Variants in EXOC4 observed in about 807,000 individuals in gnomAD.
EXOC4 encodes exocyst complex component 4.
In EXOC4, 71 loss-of-function variants were observed where a neutral mutation model predicts 107.2. That is an observed-to-expected ratio of 0.66 (90% confidence interval 0.55 to 0.81). The LOEUF is 0.81. EXOC4 is among the 30% of genes least tolerant of loss of function. The probability of loss-of-function intolerance (pLI) is 0.00; values close to 1 mark genes in which losing one functional copy is unlikely to be tolerated. For synonymous variants in EXOC4, 456 were observed against 441.2 expected (o/e 1.03, Z -0.42); for missense variants, 1,108 against 1,189.6 (o/e 0.93, Z 1.01).
chr7:133,275,147 T>C lies in EXOC4; in HGVS notation c.252T>C (p.Thr84=), dbSNP rs748678025. The change falls in exon 2 of 18, where the codon ACT becomes ACC. Residue 84 remains threonine, a synonymous_variant. Coordinates refer to ENST00000253861, the MANE Select transcript of EXOC4 (RefSeq NM_021807.4). ...ACCAGAGCATCACAGAGCGCATCAC[T>C]AACTCCCGAAATAAAATAAAGCAGG... The part of the protein sequence containing the change: ...RTYQSITERI[T]NSRNKIKQVK... 9.4e-6 allele frequency: 15 copies of C among 1,599,206 alleles called. No individual in the cohort carries two copies. The highest frequency in any genetic ancestry group is 1.2e-5 in the Non-Finnish European group (14 of 1,172,324).
intron 10 of EXOC4, among the ~76,000 whole-genome samples, chr7:133,649,706 G>GCTCTCAGAAGCGCTGGTGTAGTTCCAACA: frequency 6.6e-6 from 1 of 152,204 alleles, no homozygotes; most frequent in African/African-American, 2.4e-5. Context: ...ACAAGAGAGT[G>GCTCTCAGAAGCGCTGGTGTAGTTCCAACA]CTCTCAGAAG....
At chr7:133,856,500 T>C (rs964456958) in intron 11 of EXOC4, among the ~76,000 whole-genome samples, 2 of 152,202 alleles carry the variant, frequency 1.3e-5, no homozygotes, top group Non-Finnish European at 2.9e-5. Flanking sequence ...TATGGAGAGA[T>C]TGTCTTCTCA....
rs1455425383 is a variant in EXOC4 at position 133,858,737 on chromosome 7, CAG to C, written c.1735-36859_1735-36858del. Reference sequence around the variant, plus strand: ...GGTGTTCTGTTCAGTTCACAAACATCAGAGTCTTCCTGTACTTTTACCCCATG... The same window carrying C: ...GGTGTTCTGTTCAGTTCACAAACATCAGTCTTCCTGTACTTTTACCCCATG... On this transcript the variant is annotated intron_variant, in intron 11 of 17. Transcript: ENST00000253861. Among the ~76,000 whole-genome samples, 4 of 152,304 alleles carry C rather than the reference CAG, an allele frequency of 2.6e-5. No homozygotes were observed. The East Asian group carries it at 7.7e-4, about 29-fold the overall frequency.
intron 17 of EXOC4, among the ~76,000 whole-genome samples, chr7:134,044,802 A>C (rs1795608872): frequency 6.6e-6 from 1 of 152,232 alleles, no homozygotes; most frequent in South Asian, 2.1e-4. Flanking sequence ...TACAATCGAC[A>C]TAGGGCTTTC....
Position 133,289,123 on chromosome 7 carries a change from G to C in EXOC4, c.471+7G>C. ...CAGTGCCACTGACATGTTGGTAAGAGAACAGCCTGTGCTAAGGGTCATTTT... is the reference window on the plus strand; with the variant it reads ...CAGTGCCACTGACATGTTGGTAAGACAACAGCCTGTGCTAAGGGTCATTTT... On this transcript the variant is annotated splice_region_variant and intron_variant, in intron 3 of 17. Coordinates refer to ENST00000253861, the MANE Select transcript of EXOC4 (RefSeq NM_021807.4). 6.2e-7 allele frequency: 1 copy of C among 1,613,228 alleles called. No individual in the cohort carries two copies. Among genetic ancestry groups the C allele is most frequent in the East Asian group, 2.2e-5 (1 of 44,848 alleles).
chr7:133,534,872 C>T (rs965086131), intron 9 of EXOC4, among the ~76,000 whole-genome samples: 3 of 152,026 alleles, frequency 2.0e-5, no homozygotes, highest in Non-Finnish European at 4.4e-5. Context: ...ATGGGGTAAG[C>T]GGGGTGAATT....
At chr7:134,056,670 T>G (rs2116608063) in intron 17 of EXOC4, among the ~76,000 whole-genome samples, 1 of 152,366 alleles carries the variant, frequency 6.6e-6, no homozygotes, top group Non-Finnish European at 1.5e-5. Flanking sequence ...TGTAGAAAAC[T>G]TAATTTAAAA....
intron 10 of EXOC4, among the ~76,000 whole-genome samples, chr7:133,692,177 A>T (rs990847836): frequency 1.3e-5 from 2 of 152,222 alleles, no homozygotes; most frequent in African/African-American, 4.8e-5. Flanking sequence ...CAATAAACCT[A>T]AGTAGAAAAG....
At chr7:133,380,234 A>G (rs1796584485) in intron 7 of EXOC4, among the ~76,000 whole-genome samples, 1 of 132,054 alleles carries the variant, frequency 7.6e-6, no homozygotes, top group South Asian at 2.4e-4. Flanking sequence ...AACTTAAAGT[A>G]TAATAAAAAT....
intron 1 of EXOC4, among the ~76,000 whole-genome samples, chr7:133,269,511 T>C (rs1793814319): frequency 6.6e-6 from 1 of 152,208 alleles, no homozygotes; most frequent in Non-Finnish European, 1.5e-5. Flanking sequence ...CTGTATTGCC[T>C]GGTGTATTAT....
chr7:133,619,984 C>CTGTGTGTGTG (rs34442997), intron 9 of EXOC4, among the ~76,000 whole-genome samples: 54 of 149,570 alleles, frequency 3.6e-4, no homozygotes, highest in South Asian at 1.5e-3. Context: ...TCCCTGTTTT[C>CTGTGTGTGTG]TGTGTGTGTG....
intron 6 of EXOC4, among the ~76,000 whole-genome samples, chr7:133,363,885 A>C (rs142200061): frequency 6.6e-6 from 1 of 152,196 alleles, no homozygotes; most frequent in Non-Finnish European, 1.5e-5. Context: ...TTTTCATTGC[A>C]AAAATGAACT....
intron 9 of EXOC4, chr7:133,576,683 A>C: frequency 7.8e-7 from 1 of 1,289,798 alleles, no homozygotes; most frequent in Non-Finnish European, 1.0e-6. Flanking sequence ...GAGCAATGGG[A>C]GCCGTGAAAC....
At chr7:134,016,063 G>T (rs1488614122) in intron 17 of EXOC4, among the ~76,000 whole-genome samples, 1 of 152,048 alleles carries the variant, frequency 6.6e-6, no homozygotes, top group African/African-American at 2.4e-5. Flanking sequence ...TCTAACATGA[G>T]TGTCTAGCCA....
chr7:133,479,324 G>A (rs983263907), intron 8 of EXOC4: 5 of 152,016 alleles, frequency 3.3e-5, no homozygotes, highest in Admixed American at 3.3e-4. Flanking sequence ...TTAGGTTTTA[G>A]AAACCTGTTC....
chr7:133,880,753 A>G (rs1798948787), intron 11 of EXOC4, among the ~76,000 whole-genome samples: 1 of 152,216 alleles, frequency 6.6e-6, no homozygotes, highest in African/African-American at 2.4e-5. Context: ...AGCTGTGCTT[A>G]TAAGATTATG....
intron 13 of EXOC4, among the ~76,000 whole-genome samples, chr7:133,937,672 T>C (rs530545681): frequency 6.6e-6 from 1 of 152,334 alleles, no homozygotes; most frequent in African/African-American, 2.4e-5. Flanking sequence ...GCACAATCAT[T>C]GGAGTCACTT....
chr7:133,856,769 C>T (rs1243544009), intron 11 of EXOC4, among the ~76,000 whole-genome samples: 1 of 151,962 alleles, frequency 6.6e-6, no homozygotes, highest in Admixed American at 6.6e-5. Flanking sequence ...TTGATAGGTT[C>T]TTATCTAAAG....
chr7:133,614,859 A>G (rs1309465116), intron 9 of EXOC4, among the ~76,000 whole-genome samples: 1 of 151,602 alleles, frequency 6.6e-6, no homozygotes, highest in East Asian at 1.9e-4. Flanking sequence ...TCTTGGAGAA[A>G]TTCAAGGGCT....
Sources: allele counts gnomAD v4.1 joint callset (sites outside exome capture counted in the v4.1 genomes callset), GRCh38; gene constraint gnomAD v4.1.1; transcripts MANE v1.5; gene names NCBI Gene and HGNC (gene_info 2026-07-23, HGNC 2026-07-21).